Variants in ADCY7 observed in about 807,000 individuals in gnomAD.
ADCY7 encodes adenylate cyclase type 7.
ADCY7 carries 72 observed loss-of-function variants against 120.6 expected under a neutral mutation model. The ratio of observed to expected loss-of-function variants is 0.60; its 90% CI spans 0.49 to 0.73. The LOEUF is 0.73. Ranked by LOEUF, ADCY7 falls within the 30% of genes least tolerant of loss-of-function variation. The pLI, the probability that ADCY7 is intolerant of heterozygous loss-of-function variation, is 0.00. For synonymous variants in ADCY7, 661 were observed against 628.0 expected, an observed-to-expected ratio of 1.05 and a Z score of -0.78; for missense variants, 1,227 against 1,486.0, an observed-to-expected ratio of 0.83 and a Z score of 2.87.
chr16:50,271,161 G>A (rs1290631334), intron 1 of ADCY7, among the ~76,000 whole-genome samples: 1 of 152,212 alleles, frequency 6.6e-6, no homozygotes, highest in Non-Finnish European at 1.5e-5. Flanking sequence ...GTTGGGTGGT[G>A]AGTCTGGGAC....
At chr16:50,308,030 A>T (rs1436948521) in intron 15 of ADCY7, among the ~76,000 whole-genome samples, 1 of 150,812 alleles carries the variant, frequency 6.6e-6, no homozygotes. Flanking sequence ...AGAAAGATGT[A>T]ATAGGGAATG....
upstream of ADCY7, among the ~76,000 whole-genome samples, chr16:50,263,004 A>G (rs761779054): frequency 6.6e-6 from 1 of 152,204 alleles, no homozygotes; most frequent in Non-Finnish European, 1.5e-5. Context: ...GCCTGTCCCT[A>G]TGGAAGCTTG....
rs558110491 is a variant in ADCY7, at chr16:50,278,831, G to A, written c.-268-9081G>A. 3.3e-5 allele frequency among the ~76,000 whole-genome samples: 5 copies of A among 151,062 alleles called. No homozygotes were observed. In the East Asian group the frequency reaches 7.8e-4, roughly 24 times the overall value. ...TTCAGGACAGTGGTTACTCTGGGTTGCATCTGTCCATGGGCCCGTGAAATG... is the reference window on the plus strand; with the variant it reads ...TTCAGGACAGTGGTTACTCTGGGTTACATCTGTCCATGGGCCCGTGAAATG... On this transcript the variant is annotated intron_variant, in intron 1 of 25. Transcript: ENST00000673801.
intron 12 of ADCY7, 125 bp downstream of exon 12, chr16:50,305,084 C>T: frequency 7.8e-7 from 1 of 1,282,786 alleles, no homozygotes; most frequent in Non-Finnish European, 1.1e-6. Context: ...TGAAGTTGGC[C>T]AGGGCTTGGG....
At chr16:50,305,449 G>A in intron 12 of ADCY7, 54 bp from the exon 13 acceptor site, 1 of 1,511,220 alleles carries the variant, frequency 6.6e-7, no homozygotes, top group Non-Finnish European at 9.2e-7. Flanking sequence ...ACCCTCCTCT[G>A]GGAGAGTTGG....
At position 50,315,473 on chromosome 16, in the gene ADCY7, A is replaced by G; in HGVS notation, c.3211A>G (p.Thr1071Ala). 1.9e-6 allele frequency: 3 copies of G among 1,613,620 alleles called. No homozygotes were observed. Among genetic ancestry groups the G allele is most frequent in the South Asian group, 1.1e-5 (1 of 91,080 alleles). ...ELRTYFVCTDTAKFQGLGLN is the reference protein window; with the variant it reads ...ELRTYFVCTDAAKFQGLGLN ...GAGGACTTACTTTGTCTGTACGGACACTGCCAAGTTTCAGGGGCTGGGGCT... is the reference window on the plus strand; with the variant it reads ...GAGGACTTACTTTGTCTGTACGGACGCTGCCAAGTTTCAGGGGCTGGGGCT... The change falls in exon 26 of 26, where the codon ACT (threonine) becomes GCT (alanine). Residue 1071 changes from threonine to alanine, a missense_variant. Thr to Ala is a moderately conservative substitution (Grantham distance 58). This residue lies in a region of ADCY7 where 244 missense variants were observed against 332.8 expected (regional missense o/e 0.73). Transcript: ENST00000673801.
chr16:50,260,936 G>T (rs1487157819), intron 1 of ADCY7, among the ~76,000 whole-genome samples: 2 of 152,222 alleles, frequency 1.3e-5, no homozygotes, highest in Non-Finnish European at 2.9e-5. Context: ...CACACAGGTG[G>T]TGTGGGAGGG....
chr16:50,244,927 C>T (rs935212066), upstream of ADCY7, among the ~76,000 whole-genome samples: 3 of 70,964 alleles, frequency 4.2e-5, no homozygotes, highest in Admixed American at 4.9e-4. Context: ...AGAGGGCTTG[C>T]TGCTGCTGGG....
chr16:50,296,722 G>A (rs987798409), intron 7 of ADCY7, among the ~76,000 whole-genome samples: 1 of 152,156 alleles, frequency 6.6e-6, no homozygotes, highest in Non-Finnish European at 1.5e-5. Flanking sequence ...CTTGATGGGA[G>A]GCAAGTTATG....
In ADCY7 at chr16:50,315,153, G is replaced by A. The variant is rs1204766928; in HGVS notation, c.3096+15G>A. On this transcript the variant is annotated intron_variant, in intron 25 of 25. Coordinates refer to ENST00000673801, the MANE Select transcript of ADCY7 (RefSeq NM_001114.5). Reference sequence around the variant, plus strand: ...GGAAAATCCAGGTAAAGACCTATTGGGGAAGCAGTTGACTAAGGGGAAAAG... The same window carrying A: ...GGAAAATCCAGGTAAAGACCTATTGAGGAAGCAGTTGACTAAGGGGAAAAG... The A allele has an allele frequency of 6.2e-7, 1 of 1,613,694 alleles. No individual in the cohort carries two copies. The highest frequency in any genetic ancestry group is 8.5e-7 in the Non-Finnish European group (1 of 1,179,764).
At chr16:50,309,820 C>A (rs2151077189) in intron 18 of ADCY7, among the ~76,000 whole-genome samples, 174 bp downstream of exon 18, 1 of 152,334 alleles carries the variant, frequency 6.6e-6, no homozygotes, top group South Asian at 2.1e-4. Flanking sequence ...GCCCAGCTGG[C>A]CTCTGGCCCA....
chr16:50,292,286 G>A (rs1006027053), intron 4 of ADCY7, among the ~76,000 whole-genome samples: 1 of 152,246 alleles, frequency 6.6e-6, no homozygotes, highest in Non-Finnish European at 1.5e-5. Context: ...TGAATCTTCT[G>A]TTCATAATTA....
intron 1 of ADCY7, among the ~76,000 whole-genome samples, chr16:50,246,851 A>C (rs997871092): frequency 6.6e-6 from 1 of 152,078 alleles, no homozygotes; most frequent in African/African-American, 2.4e-5. Flanking sequence ...CATGGATTGG[A>C]GTTGTTCCCT....
upstream of ADCY7, among the ~76,000 whole-genome samples, chr16:50,245,734 G>A (rs927912778): frequency 2.6e-5 from 4 of 152,096 alleles, no homozygotes; most frequent in Non-Finnish European, 5.9e-5. Flanking sequence ...CCAGAAACAC[G>A]GGCGCTCCTG....
At chr16:50,284,972 A>G (rs2034491088) in intron 1 of ADCY7, among the ~76,000 whole-genome samples, 1 of 152,164 alleles carries the variant, frequency 6.6e-6, no homozygotes, top group Non-Finnish European at 1.5e-5. Context: ...TGCTGAATTG[A>G]ATGTATCTCA....
At chr16:50,280,586 G>A (rs901929589) in intron 1 of ADCY7, among the ~76,000 whole-genome samples, 1 of 152,148 alleles carries the variant, frequency 6.6e-6, no homozygotes, top group Admixed American at 6.5e-5. Context: ...TTAGTGCTAT[G>A]AATTTCCCTC....
At chr16:50,251,296 T>A in intron 1 of ADCY7, among the ~76,000 whole-genome samples, 1 of 152,100 alleles carries the variant, frequency 6.6e-6, no homozygotes. Context: ...TGTGGTGTGA[T>A]GAAATGACAT....
rs1330622557 is a variant in ADCY7 at position 50,310,404 on chromosome 16, T to G, written c.2161-283T>G. The G allele has an allele frequency of 6.7e-6, 10 of 1,493,460 alleles. No individual in the cohort carries two copies. The Admixed American group carries it at 1.6e-4, about 23-fold the overall frequency. 92.5% of individuals were successfully genotyped at this position (1,493,460 alleles called of 1,614,324 possible). A position where few individuals can be genotyped will look rare whatever the true frequency, so the allele number is the denominator to read the frequency against. On this transcript the variant is annotated intron_variant, in intron 18 of 25. Coordinates refer to ENST00000673801, the MANE Select transcript of ADCY7 (RefSeq NM_001114.5). ...CAAAAACTCAGGGAGGCAGCTTGGA[T>G]GCATGCACGCTCCGGCCTTGACCTT...
At chr16:50,299,067 C>T in intron 8 of ADCY7, 36 bp downstream of exon 8, 1 of 1,576,310 alleles carries the variant, frequency 6.3e-7, no homozygotes, top group Non-Finnish European at 8.6e-7. Context: ...TGGGTCCTGC[C>T]CTGTGGCGGA....
Sources: allele counts gnomAD v4.1 joint callset (sites outside exome capture counted in the v4.1 genomes callset), GRCh38; gene constraint gnomAD v4.1.1; regional missense constraint gnomAD v4.1.1; transcripts MANE v1.5; gene names NCBI Gene and HGNC (gene_info 2026-07-23, HGNC 2026-07-21).